The following FER1L6 variants were observed in gnomAD, a reference collection of about 807,000 sequenced individuals.
FER1L6 encodes fer-1-like protein 6.
A neutral mutation model predicts 219.2 loss-of-function variants in FER1L6; 177 were observed. That is an observed-to-expected ratio of 0.81 (90% CI 0.71 to 0.91). The LOEUF (loss-of-function observed/expected upper bound fraction) is 0.91. Among genes scored for constraint, FER1L6 ranks in the 40% least tolerant of loss-of-function variants. FER1L6 has a pLI of 0.00. For missense variants in FER1L6, 2,153 were observed against 2,259.9 expected, an observed-to-expected ratio of 0.95 and a Z score of 0.96; for synonymous variants, 768 against 824.3, an observed-to-expected ratio of 0.93 and a Z score of 1.17.
intron 33 of FER1L6, among the ~76,000 whole-genome samples, chr8:124,084,843 C>T (rs1317760390): frequency 1.3e-5 from 2 of 152,028 alleles, no homozygotes; most frequent in African/African-American, 4.8e-5. Flanking sequence ...ATTAGTTCTT[C>T]TTTAAATGTT....
intron 12 of FER1L6, among the ~76,000 whole-genome samples, chr8:123,996,625 C>A (rs776765342): frequency 6.6e-6 from 1 of 152,070 alleles, no homozygotes; most frequent in Non-Finnish European, 1.5e-5. Context: ...CACTTACATT[C>A]AATTTTATTA....
chr8:123,891,685 T>C (rs1388913709), intron 1 of FER1L6, among the ~76,000 whole-genome samples: 1 of 152,248 alleles, frequency 6.6e-6, no homozygotes. Context: ...ATCCTTGTGC[T>C]GTTAAATTAC....
intron 1 of FER1L6, chr8:123,926,046 C>T (rs1813551808): frequency 6.6e-6 from 1 of 152,146 alleles, no homozygotes; most frequent in African/African-American, 2.4e-5. Context: ...TTCTCACTGA[C>T]TTCTTATAAT....
chr8:124,024,197 T>A (rs9785138), intron 18 of FER1L6, among the ~76,000 whole-genome samples: 75,956 of 131,618 alleles, frequency 0.58, 19,358 homozygotes, highest in African/African-American at 0.63. Flanking sequence ...TACTTGGCCA[T>A]TTTTTTTTTT....
chr8:124,009,398 G>A (rs1817810918), intron 13 of FER1L6, among the ~76,000 whole-genome samples: 1 of 152,136 alleles, frequency 6.6e-6, no homozygotes, highest in Admixed American at 6.5e-5. Context: ...GGAGGAGCTG[G>A]TGTTTTTGTT....
intron 1 of FER1L6, among the ~76,000 whole-genome samples, chr8:123,856,349 T>TATA (rs71289618): frequency 2.0e-3 from 273 of 134,416 alleles, no homozygotes; most frequent in South Asian, 3.6e-3. Context: ...TATATATATA[T>TATA]TAGGGTCCAG....
At chr8:124,085,547 A>G (rs942727232) in intron 33 of FER1L6, among the ~76,000 whole-genome samples, 20 of 150,700 alleles carry the variant, frequency 1.3e-4, no homozygotes, top group African/African-American at 4.9e-4. Context: ...TTCTCTTGTT[A>G]TCGATTTTGA....
intron 31 of FER1L6, among the ~76,000 whole-genome samples, chr8:124,073,489 C>A (rs948688886): frequency 6.6e-6 from 1 of 152,202 alleles, no homozygotes; most frequent in Admixed American, 6.5e-5. Flanking sequence ...ATTCTCAAAC[C>A]TTTTAATTAA....
chr8:124,023,503 C>T lies in FER1L6; in HGVS notation c.2193C>T (p.Ala731=). ...TGCTCAGCAACAACAGGAGAGTGGC[C>T]TATGCCCGCATCGCCTCCAAAGACC... ...IWMLSNNRRV[A]YARIASKDLL... Residue 731 remains alanine, a synonymous_variant, in exon 18 of 41, where the codon GCC becomes GCT. Transcript: ENST00000522917. The T allele has an allele frequency of 6.2e-7, 1 of 1,614,222 alleles. No individual in the cohort carries two copies. The highest frequency in any genetic ancestry group is 8.5e-7 in the Non-Finnish European group (1 of 1,180,042).
chr8:123,874,841 G>T (rs1037976131), intron 1 of FER1L6, among the ~76,000 whole-genome samples: 4 of 152,114 alleles, frequency 2.6e-5, no homozygotes, highest in Non-Finnish European at 5.9e-5. Flanking sequence ...CACCTTGGAA[G>T]ATTATTTTTT....
At chr8:124,093,311 A>C (rs544141247) in intron 34 of FER1L6, among the ~76,000 whole-genome samples, 1 of 151,922 alleles carries the variant, frequency 6.6e-6, no homozygotes, top group South Asian at 2.1e-4. Context: ...GACCCAAACC[A>C]TATCACTTGC....
intron 35 of FER1L6, among the ~76,000 whole-genome samples, chr8:124,096,984 A>G (rs1822326007): frequency 6.6e-6 from 1 of 152,088 alleles, no homozygotes; most frequent in African/African-American, 2.4e-5. Flanking sequence ...TCAAGTGTAT[A>G]GATAGCATTA....
intron 1 of FER1L6, among the ~76,000 whole-genome samples, chr8:123,910,594 C>T (rs991315300): frequency 4.0e-5 from 6 of 151,396 alleles, no homozygotes; most frequent in African/African-American, 1.5e-4. Flanking sequence ...TTTTTTGCGA[C>T]CAAAAAACCT....
intron 13 of FER1L6, 101 bp from the exon 14 acceptor site, chr8:124,010,493 T>G (rs7844981): frequency 0.093 from 131,376 of 1,411,250 alleles, 8,319 homozygotes; most frequent in East Asian, 0.27. Flanking sequence ...TCATCATGCC[T>G]CCCGAGTCCT....
At chr8:123,950,702 T>C (rs756381304) in intron 1 of FER1L6, among the ~76,000 whole-genome samples, 1 of 152,186 alleles carries the variant, frequency 6.6e-6, no homozygotes, top group African/African-American at 2.4e-5. Context: ...GAGGGGACTA[T>C]AATGTACAAA....
At chr8:124,018,698 TC>T (rs1212277475) in intron 16 of FER1L6, among the ~76,000 whole-genome samples, 4 of 152,196 alleles carry the variant, frequency 2.6e-5, no homozygotes, top group African/African-American at 7.2e-5. Flanking sequence ...CCTCCTCATC[TC>T]TAGACCTGCA....
At chr8:124,074,580 A>G (rs979048084) in intron 31 of FER1L6, among the ~76,000 whole-genome samples, 2 of 151,092 alleles carry the variant, frequency 1.3e-5, no homozygotes, top group Non-Finnish European at 2.9e-5. Context: ...TGAGCCTGGG[A>G]GGCATAAGTT....
chr8:124,085,669 G>A (rs1190218288), intron 33 of FER1L6, among the ~76,000 whole-genome samples: 2 of 152,182 alleles, frequency 1.3e-5, no homozygotes, highest in Non-Finnish European at 2.9e-5. Flanking sequence ...AATGTTCCAT[G>A]TGCTAAGGAG....
intron 33 of FER1L6, among the ~76,000 whole-genome samples, chr8:124,090,810 T>C (rs796968195): frequency 2.7e-4 from 41 of 152,302 alleles, no homozygotes; most frequent in African/African-American, 9.9e-4. Flanking sequence ...AGACTCTATC[T>C]GTGACATGGA....
Sources: gnomAD v4.1 joint callset for allele counts (sites outside exome capture counted in the v4.1 genomes callset) on GRCh38, gnomAD v4.1.1 for gene constraint, MANE v1.5 for transcripts, NCBI Gene and HGNC (gene_info 2026-07-23, HGNC 2026-07-21) for gene names.